The following C3orf20 variants were observed in gnomAD, a reference collection of about 807,000 sequenced individuals.
The protein encoded by C3orf20 is family with sequence similarity 149 member C.
C3orf20 carries 76 observed loss-of-function variants against 88.3 expected under a neutral mutation model. That is an observed-to-expected ratio of 0.86 (90% confidence interval 0.72 to 1.04). The LOEUF (loss-of-function observed/expected upper bound fraction) is 1.04, where lower values mean the gene tolerates loss of function less well. Among genes scored for constraint, C3orf20 ranks in the 50% least tolerant of loss-of-function variants. The pLI, the probability that C3orf20 is intolerant of heterozygous loss-of-function variation, is 0.00. For missense variants in C3orf20, 1,056 were observed against 1,123.3 expected (o/e 0.94, Z 0.86); for synonymous variants, 436 against 437.4 (o/e 1.00, Z 0.04).
intron 5 of C3orf20, among the ~76,000 whole-genome samples, chr3:14,695,725 C>A (rs753713352): frequency 6.6e-6 from 1 of 152,074 alleles, no homozygotes; most frequent in Admixed American, 6.6e-5. Context: ...GCTGAATTGA[C>A]TTCTTTATTA....
At chr3:14,766,590 A>G (rs2035710428) in intron 15 of C3orf20, among the ~76,000 whole-genome samples, 1 of 152,176 alleles carries the variant, frequency 6.6e-6, no homozygotes, top group Non-Finnish European at 1.5e-5. Context: ...GGGGTCACAC[A>G]CTAGTCACTA....
At chr3:14,724,241 C>A (rs1021072365) in intron 10 of C3orf20, among the ~76,000 whole-genome samples, 6 of 152,070 alleles carry the variant, frequency 3.9e-5, no homozygotes, top group African/African-American at 1.4e-4. Context: ...TCAAAGGCAA[C>A]GGATATTAGA....
chr3:14,760,739 A>G (rs2035535901), intron 14 of C3orf20, among the ~76,000 whole-genome samples: 1 of 150,928 alleles, frequency 6.6e-6, no homozygotes, highest in Non-Finnish European at 1.5e-5. Flanking sequence ...CCTCCCAAGT[A>G]GCTGGGACTA....
Position 14,728,522 on chromosome 3 carries a change from C to A in C3orf20, c.1774C>A (p.Arg592=). The stretch of plus-strand genomic sequence containing the variant: ...GATGAGATCCAGAACTCATCCCGAG[C>A]GGCTCCCCAAGCTAAGTTTATACTC... ...FKMRSRTHPE[R]LPKLSLYSGE... is the part of the protein sequence containing the mutation. Residue 592 remains arginine, a synonymous_variant, in exon 12 of 17, where the codon CGG becomes AGG. Transcript: ENST00000253697. 2 of 1,614,166 alleles carry A rather than the reference C, an allele frequency of 1.2e-6. No individual in the cohort carries two copies. Among genetic ancestry groups the A allele is most frequent in the Non-Finnish European group, 1.7e-6 (2 of 1,180,008 alleles).
intron 12 of C3orf20, among the ~76,000 whole-genome samples, chr3:14,730,867 T>A (rs1013054203): frequency 6.6e-6 from 1 of 152,226 alleles, no homozygotes; most frequent in African/African-American, 2.4e-5. Context: ...GTTGTCTTAG[T>A]GACAAAGTGG....
At position 14,689,537 on chromosome 3, in the gene C3orf20, C is replaced by G. The variant is rs181031625; in HGVS notation, c.626-460C>G. Reference sequence around the variant, plus strand: ...TTTTAATTCTTAAGTGGTCAGATATCAAACGATTCTATAAAAGATGGTGTG... The same window carrying G: ...TTTTAATTCTTAAGTGGTCAGATATGAAACGATTCTATAAAAGATGGTGTG... On this transcript the variant is annotated intron_variant, in intron 4 of 16. Coordinates refer to ENST00000253697, the MANE Select transcript of C3orf20 (RefSeq NM_032137.5). Among the ~76,000 whole-genome samples, 9 of 152,270 alleles carry G rather than the reference C, an allele frequency of 5.9e-5. No homozygotes were observed. The East Asian group carries it at 1.3e-3, about 23-fold the overall frequency.
intron 9 of C3orf20, among the ~76,000 whole-genome samples, chr3:14,718,839 A>G (rs1452089788): frequency 6.6e-6 from 1 of 152,226 alleles, no homozygotes; most frequent in African/African-American, 2.4e-5. Context: ...AGGATGGTTC[A>G]AGGATCAGCC....
chr3:14,724,399 T>C (rs1463821406), intron 10 of C3orf20, among the ~76,000 whole-genome samples: 1 of 152,170 alleles, frequency 6.6e-6, no homozygotes, highest in African/African-American at 2.4e-5. Context: ...TTACTCTCAG[T>C]CTGTGTACCC....
At chr3:14,742,481 G>A (rs1222948427) in intron 12 of C3orf20, among the ~76,000 whole-genome samples, 1 of 152,164 alleles carries the variant, frequency 6.6e-6, no homozygotes, top group African/African-American at 2.4e-5. Context: ...TGCAAGATTG[G>A]TCAGTGGGCT....
chr3:14,745,613 C>T (rs1321377211), intron 12 of C3orf20, among the ~76,000 whole-genome samples: 3 of 152,134 alleles, frequency 2.0e-5, no homozygotes, highest in African/African-American at 7.2e-5. Context: ...ATTTGTACAA[C>T]TATATCTGTA....
rs935883237 is a variant in C3orf20 at position 14,701,016 on chromosome 3, C to A, written c.746-2114C>A. Among the ~76,000 whole-genome samples the A allele has an allele frequency of 1.3e-5, 2 of 152,218 alleles. No homozygotes were observed. The highest frequency in any genetic ancestry group is 2.9e-5 in the Non-Finnish European group (2 of 68,032). ...GTTACAAGAAGAGAACTGTTAATAG[C>A]AGTTCCTAGTCAGAGCAAGAGACCG... On this transcript the variant is annotated intron_variant, in intron 5 of 16. Transcript: ENST00000253697. This position sits in a 1 kb window ranked among gnomAD's most constrained non-coding sequence, Gnocchi z 4.6.
Position 14,757,390 on chromosome 3 carries a change from C to T in C3orf20, c.1960C>T (p.Arg654Cys), listed in dbSNP as rs148082605. The change falls in exon 13 of 17, where the codon CGC (arginine) becomes TGC (cysteine). Residue 654 changes from arginine to cysteine, a missense_variant. Coordinates refer to ENST00000253697, the MANE Select transcript of C3orf20 (RefSeq NM_032137.5). ...VTSRGKAREG[R>C]SPTRWAALPS... is the part of the protein sequence containing the mutation. ...TTGCAGAGGGAAGGCCCGCGAGGGGCGCAGCCCCACCAGGTGGGCGGCCTT... is the reference window on the plus strand; with the variant it reads ...TTGCAGAGGGAAGGCCCGCGAGGGGTGCAGCCCCACCAGGTGGGCGGCCTT... 75 of 1,611,340 alleles carry T rather than the reference C, an allele frequency of 4.7e-5. No individual in the cohort carries two copies. Among genetic ancestry groups the T allele is most frequent in the African/African-American group, 1.7e-4 (13 of 74,862 alleles).
intron 9 of C3orf20, among the ~76,000 whole-genome samples, chr3:14,718,972 C>T (rs1185516288): frequency 1.3e-5 from 2 of 152,354 alleles, no homozygotes; most frequent in Non-Finnish European, 2.9e-5. Context: ...CTGGGTTCTG[C>T]AGGCCAGAAA....
Position 14,761,437 on chromosome 3 carries a change from G to A in C3orf20, c.2353-36G>A, listed in dbSNP as rs567622355. ...TCAGTGGACACTGCTGTGCTGATGT[G>A]CTGAGGATCTCTCCTCATTTCCTTC... is the stretch of plus-strand genomic sequence containing the variant. On this transcript the variant is annotated intron_variant, in intron 14 of 16. Coordinates refer to ENST00000253697, the MANE Select transcript of C3orf20 (RefSeq NM_032137.5). The A allele has an allele frequency of 8.7e-6, 14 of 1,612,052 alleles. No homozygotes were observed. In the Admixed American group the frequency reaches 2.3e-4, roughly 27 times the overall value.
chr3:14,748,599 T>C (rs2035128092), intron 12 of C3orf20, among the ~76,000 whole-genome samples: 1 of 152,206 alleles, frequency 6.6e-6, no homozygotes, highest in African/African-American at 2.4e-5. Context: ...GCTATAAATA[T>C]TCCTGACTGT....
intron 12 of C3orf20, among the ~76,000 whole-genome samples, chr3:14,741,009 A>C (rs974217325): frequency 2.0e-5 from 3 of 152,166 alleles, no homozygotes; most frequent in Non-Finnish European, 2.9e-5. Flanking sequence ...TTGACTTTGT[A>C]TCTAATATTC....
At chr3:14,767,039 T>C (rs2035732472) in intron 15 of C3orf20, 2 of 152,492 alleles carry the variant, frequency 1.3e-5, no homozygotes, top group South Asian at 4.1e-4. Flanking sequence ...TGTCCCTCCA[T>C]TGTCACATCC....
intron 13 of C3orf20, among the ~76,000 whole-genome samples, chr3:14,759,061 G>A (rs1272946887): frequency 6.6e-6 from 1 of 152,220 alleles, no homozygotes; most frequent in Non-Finnish European, 1.5e-5. Flanking sequence ...GCCCAGCCAT[G>A]AACAGTGTGA....
At position 14,689,987 on chromosome 3, in the gene C3orf20, C is replaced by G; in HGVS notation, c.626-10C>G. 6.2e-7 allele frequency: 1 copy of G among 1,614,140 alleles called. No homozygotes were observed. Among genetic ancestry groups the G allele is most frequent in the African/African-American group, 1.3e-5 (1 of 75,050 alleles). On this transcript the variant is annotated splice_polypyrimidine_tract_variant and intron_variant, in intron 4 of 16. Coordinates refer to ENST00000253697, the MANE Select transcript of C3orf20 (RefSeq NM_032137.5). ...AGTTGAAAGAAGAATCTCTCTCTCT[C>G]CCACTCCAGAGTCCCTCGCAAACAT...
Sources: gnomAD v4.1 joint callset for allele counts (sites outside exome capture counted in the v4.1 genomes callset) on GRCh38, gnomAD v4.1.1 for gene constraint, Gnocchi (gnomAD v3.1) non-coding constraint, MANE v1.5 for transcripts, NCBI Gene and HGNC (gene_info 2026-07-23, HGNC 2026-07-21) for gene names.